The following RGL1 variants were observed in gnomAD, a reference collection of about 807,000 sequenced individuals.
RGL1 encodes ral guanine nucleotide dissociation stimulator-like 1.
RGL1 carries 24 observed loss-of-function variants against 95.2 expected under a neutral mutation model. The observed-to-expected ratio is 0.25, with a 90% CI of 0.18 to 0.35. The LOEUF (loss-of-function observed/expected upper bound fraction) is 0.35. Ranked by LOEUF, RGL1 falls within the 10% of genes least tolerant of loss-of-function variation. The pLI is 1.00. For missense variants in RGL1, 715 were observed against 936.3 expected, an observed-to-expected ratio of 0.76 and a Z score of 3.08; for synonymous variants, 329 against 344.9, an observed-to-expected ratio of 0.95 and a Z score of 0.51.
chr1:183,785,357 C>G (rs1030607496), intron 2 of RGL1, among the ~76,000 whole-genome samples: 1 of 152,194 alleles, frequency 6.6e-6, no homozygotes, highest in South Asian at 2.1e-4. Context: ...ATATTTCTCC[C>G]CTTTTTCATG....
At chr1:183,686,669 C>G (rs977092316) in intron 1 of RGL1, among the ~76,000 whole-genome samples, 2 of 152,246 alleles carry the variant, frequency 1.3e-5, no homozygotes, top group Middle Eastern at 3.4e-3. Flanking sequence ...TGTGACTAGC[C>G]ACGATTTAAA....
At position 183,888,546 on chromosome 1, in the gene RGL1, C is replaced by T. The variant is rs762372211; in HGVS notation, c.1024C>T (p.Arg342Trp). ...GGCACTGCAGTCTAATTCCATCTAT[C>T]GGTTAAAAAAGACTTGGGCTGCCGT... ...VSALQSNSIY[R>W]LKKTWAAVPR... is the part of the protein sequence containing the mutation. Residue 342 changes from arginine (R) to tryptophan (W), a missense_variant, in exon 8 of 18, where the codon CGG becomes TGG. By Grantham distance (101) the Arg-to-Trp change is moderately radical. Coordinates refer to ENST00000360851, the MANE Select transcript of RGL1 (RefSeq NM_001297671.3). 6.2e-6 allele frequency: 10 copies of T among 1,613,002 alleles called. No individual in the cohort carries two copies. In the East Asian group the frequency reaches 6.7e-5, roughly 11 times the overall value.
At chr1:183,643,860 C>G (rs971145140) in intron 1 of RGL1, among the ~76,000 whole-genome samples, 1 of 152,130 alleles carries the variant, frequency 6.6e-6, no homozygotes, top group Admixed American at 6.5e-5. Flanking sequence ...TGCAATAAAA[C>G]AATGTTCTAT....
intron 15 of RGL1, among the ~76,000 whole-genome samples, chr1:183,915,788 C>T (rs566928660): frequency 2.6e-5 from 4 of 152,204 alleles, no homozygotes; most frequent in Non-Finnish European, 5.9e-5. Flanking sequence ...CAGGCTGAGC[C>T]TTGGCCATGT....
At chr1:183,732,860 G>A (rs940944208) in intron 1 of RGL1, among the ~76,000 whole-genome samples, 1 of 152,150 alleles carries the variant, frequency 6.6e-6, no homozygotes, top group Non-Finnish European at 1.5e-5. Context: ...CTCTGACTCC[G>A]TTGCTATGCA....
chr1:183,638,001 A>G (rs1649665385), intron 1 of RGL1, among the ~76,000 whole-genome samples: 1 of 152,184 alleles, frequency 6.6e-6, no homozygotes, highest in African/African-American at 2.4e-5. Context: ...TTTTAAATCA[A>G]GATTTTTCTT....
intron 16 of RGL1, among the ~76,000 whole-genome samples, chr1:183,917,088 A>G (rs1405868518): frequency 1.3e-5 from 2 of 152,182 alleles, no homozygotes; most frequent in African/African-American, 2.4e-5. Context: ...ATGGAATTAT[A>G]TGTCTGGTTT....
chr1:183,742,833 T>C (rs1657395851), intron 2 of RGL1, among the ~76,000 whole-genome samples: 1 of 152,002 alleles, frequency 6.6e-6, no homozygotes, highest in African/African-American at 2.4e-5. Context: ...GCGTTTGAGG[T>C]AAAATACATA....
At chr1:183,796,369 G>T (rs1476451561) in intron 2 of RGL1, among the ~76,000 whole-genome samples, 2 of 151,990 alleles carry the variant, frequency 1.3e-5, no homozygotes, top group Non-Finnish European at 2.9e-5. Flanking sequence ...TCACCATGTT[G>T]GCCAGGATGG....
At chr1:183,746,046 T>G (rs2182593) in intron 2 of RGL1, among the ~76,000 whole-genome samples, 68,236 of 150,566 alleles carry the variant, frequency 0.45, 16,512 homozygotes, top group East Asian at 0.8. Context: ...GCTAAGTGCT[T>G]ATTTTTTAAC....
chr1:183,883,936 G>A (rs765588912), intron 6 of RGL1, 26 bp downstream of exon 6: 4 of 1,612,086 alleles, frequency 2.5e-6, no homozygotes, highest in Non-Finnish European at 2.5e-6. Context: ...GTGATCAGAT[G>A]TACTTTCACT....
chr1:183,722,266 G>A (rs967518761), intron 1 of RGL1, among the ~76,000 whole-genome samples: 2 of 150,850 alleles, frequency 1.3e-5, no homozygotes, highest in Non-Finnish European at 3.0e-5. Flanking sequence ...TGAAGGCATA[G>A]CAATAGAACC....
intron 2 of RGL1, among the ~76,000 whole-genome samples, chr1:183,847,277 T>A (rs1210191726): frequency 6.6e-6 from 1 of 152,010 alleles, no homozygotes; most frequent in Non-Finnish European, 1.5e-5. Context: ...AGCGAGACAC[T>A]ATCTCTACCA....
At chr1:183,642,569 G>A (rs1019857938) in intron 1 of RGL1, among the ~76,000 whole-genome samples, 2 of 152,044 alleles carry the variant, frequency 1.3e-5, no homozygotes, top group East Asian at 1.9e-4. Context: ...CTTGAAATGC[G>A]CTGTAAATTA....
chr1:183,758,152 C>T lies in RGL1; in HGVS notation c.132+15863C>T, dbSNP rs1572377048. 4.6e-5 allele frequency among the ~76,000 whole-genome samples: 7 copies of T among 152,236 alleles called. No homozygotes were observed. The South Asian group carries it at 1.4e-3, about 32-fold the overall frequency. ...ATATCATCTGTCTTAGCCAGTTGGA[C>T]TGCCACAATGAAATAGCACAGACTG... On this transcript the variant is annotated intron_variant, in intron 2 of 18. Transcript: ENST00000304685.
intron 1 of RGL1, chr1:183,647,702 C>G (rs1158070073): frequency 6.2e-7 from 1 of 1,600,676 alleles, no homozygotes; most frequent in Non-Finnish European, 8.5e-7. Flanking sequence ...TCTTCTTCTT[C>G]TTTTCATCTG....
At chr1:183,772,033 A>G (rs1255278994) in intron 2 of RGL1, among the ~76,000 whole-genome samples, 1 of 152,228 alleles carries the variant, frequency 6.6e-6, no homozygotes, top group Non-Finnish European at 1.5e-5. Flanking sequence ...CAGTCGGAGG[A>G]GAGCGCCCGC....
intron 7 of RGL1, among the ~76,000 whole-genome samples, chr1:183,887,838 T>G (rs12070755): frequency 2.4e-3 from 367 of 152,336 alleles, no homozygotes; most frequent in African/African-American, 8.2e-3. Context: ...TGAATTTTAT[T>G]TTAAAAGGCC....
intron 2 of RGL1, among the ~76,000 whole-genome samples, chr1:183,833,585 T>C (rs1354761427): frequency 6.6e-6 from 1 of 152,236 alleles, no homozygotes; most frequent in Non-Finnish European, 1.5e-5. Context: ...ATCTTGTTTA[T>C]TAGTGAGATT....
Sources: gnomAD v4.1 joint callset for allele counts (sites outside exome capture counted in the v4.1 genomes callset) on GRCh38, gnomAD v4.1.1 for gene constraint, MANE v1.5 for transcripts, NCBI Gene and HGNC (gene_info 2026-07-23, HGNC 2026-07-21) for gene names.